Variants in IL3RA observed in about 807,000 individuals in gnomAD.
The protein encoded by IL3RA is interleukin 3 receptor subunit alpha.
A neutral mutation model predicts 52.3 loss-of-function variants in IL3RA; 73 were observed. The ratio of observed to expected loss-of-function variants is 1.40; its 90% CI spans 1.16 to 1.70. The LOEUF is 1.70. Among genes scored for constraint, IL3RA ranks in the 40% most tolerant of loss-of-function variants. The probability of loss-of-function intolerance (pLI) is 0.00; values close to 1 mark genes in which losing one functional copy is unlikely to be tolerated. For missense variants in IL3RA, 664 were observed against 504.4 expected (o/e 1.32, Z -3.03); for synonymous variants, 260 against 194.0 (o/e 1.34, Z -2.83).
At position 1,382,413 on chromosome X, in the gene IL3RA, C is replaced by A; in HGVS notation, c.1085C>A (p.Ala362Asp). The A allele has an allele frequency of 6.2e-7, 1 of 1,613,782 alleles. No homozygotes were observed. Residue 362 changes from alanine (A) to aspartate (D), a missense_variant, in exon 12 of 12, where the codon GCC becomes GAC. Ala to Asp is a moderately radical substitution (Grantham distance 126, BLOSUM62 -2). Coordinates refer to ENST00000331035, the MANE Select transcript of IL3RA (RefSeq NM_002183.4). ...CAGGTGGTCTGGGAGGCGGGCAAAGCCGGCCTGGAGGAGTGTCTGGTGACT... is the reference window on the plus strand; with the variant it reads ...CAGGTGGTCTGGGAGGCGGGCAAAGACGGCCTGGAGGAGTGTCTGGTGACT... The part of the protein sequence containing the change: ...DKLVVWEAGK[A>D]GLEECLVTEV...
intron 6 of IL3RA, among the ~76,000 whole-genome samples, 159 bp downstream of exon 6, chrX:1,352,665 G>A (rs1213758301): frequency 8.5e-5 from 13 of 152,184 alleles, no homozygotes; most frequent in Admixed American, 1.3e-4. Context: ...GGCTGGCTGG[G>A]CTCCTCGGGA....
chrX:1,381,876 C>T (rs1404605337), intron 11 of IL3RA, among the ~76,000 whole-genome samples: 1 of 151,422 alleles, frequency 6.6e-6, no homozygotes, highest in East Asian at 2.0e-4. Context: ...TACCTGTGTC[C>T]CTAAGAGAAA....
chrX:1,381,966 G>C (rs1259153211), intron 11 of IL3RA, among the ~76,000 whole-genome samples: 2 of 150,302 alleles, frequency 1.3e-5, no homozygotes, highest in African/African-American at 4.9e-5. Flanking sequence ...TTGTTTTTGA[G>C]ACGCAGTTTT....
chrX:1,380,953 C>A lies in IL3RA; in HGVS notation c.981-70C>A, dbSNP rs1249280352. The A allele has an allele frequency of 4.6e-6, 6 of 1,296,060 alleles. No individual in the cohort carries two copies. In the African/African-American group the frequency reaches 8.7e-5, roughly 19 times the overall value. The allele number at this position is 1,296,060 out of a possible 1,614,324, so 80.3% of individuals were successfully genotyped here. On this transcript the variant is annotated intron_variant, in intron 10 of 11. Transcript: ENST00000331035. ...CTGTCCTGGCACTGTCTGTCCTGGA[C>A]ACGCTGTGTCCCAGATGATGAGCTG...
intron 4 of IL3RA, among the ~76,000 whole-genome samples, chrX:1,349,514 G>A (rs1446994750): frequency 1.3e-5 from 2 of 151,918 alleles, no homozygotes; most frequent in African/African-American, 2.4e-5. Flanking sequence ...GTGTCGCTAT[G>A]TTACCTGAGC....
At chrX:1,339,219 C>T (rs1347442415) in intron 1 of IL3RA, among the ~76,000 whole-genome samples, 2 of 152,144 alleles carry the variant, frequency 1.3e-5, no homozygotes, top group African/African-American at 2.4e-5. Flanking sequence ...GACCACAGCC[C>T]CTACAGGCAA....
At chrX:1,348,873 C>T (rs1424101987) in intron 4 of IL3RA, among the ~76,000 whole-genome samples, 1 of 60,148 alleles carries the variant, frequency 1.7e-5, no homozygotes, top group Admixed American at 1.3e-4. Context: ...CTCTCTCCTT[C>T]CTTCCCTTTC....
intron 6 of IL3RA, among the ~76,000 whole-genome samples, chrX:1,355,859 C>A (rs1448055012): frequency 6.6e-6 from 1 of 151,794 alleles, no homozygotes; most frequent in Non-Finnish European, 1.5e-5. Flanking sequence ...GGCTGCCCAG[C>A]GGGGCTGAGC....
rs762363493 is a variant in IL3RA at position 1,360,364 on chromosome X, C to G, written c.759+1477C>G. Among the ~76,000 whole-genome samples, 22 of 150,128 alleles carry G rather than the reference C, an allele frequency of 1.5e-4. No homozygotes were observed. In the East Asian group the frequency reaches 3.5e-3, roughly 24 times the overall value. ...TCTCCCTCCCTCTCTTTATCTCTCT[C>G]TCTCTCTCTGCCTCTATCTCCCACT... On this transcript the variant is annotated intron_variant, in intron 8 of 11. Transcript: ENST00000331035.
At chrX:1,362,696 G>A (rs1280692956) in intron 8 of IL3RA, among the ~76,000 whole-genome samples, 1 of 152,088 alleles carries the variant, frequency 6.6e-6, no homozygotes, top group Non-Finnish European at 1.5e-5. Flanking sequence ...TGGGGTCCCT[G>A]GGCTTGTGGC....
chrX:1,377,734 C>T lies in IL3RA; in HGVS notation c.875-925C>T, dbSNP rs749288280. On this transcript the variant is annotated intron_variant, in intron 9 of 11. Transcript: ENST00000331035. Reference sequence around the variant, plus strand: ...AGGCTGGAGGGCAGTGGCGCGATCACGGCTCACTGTAGCCTCGACCTCCTG... The same window carrying T: ...AGGCTGGAGGGCAGTGGCGCGATCATGGCTCACTGTAGCCTCGACCTCCTG... Among the ~76,000 whole-genome samples the T allele has an allele frequency of 4.0e-5, 6 of 148,838 alleles. No homozygotes were observed. In the East Asian group the frequency reaches 9.9e-4, roughly 25 times the overall value.
At chrX:1,356,398 T>C in intron 7 of IL3RA, 62 bp downstream of exon 7, 1 of 1,009,642 alleles carries the variant, frequency 9.9e-7, no homozygotes, top group East Asian at 2.6e-5. Flanking sequence ...TTTTGGTAAG[T>C]CGCACTCTGG....
intron 6 of IL3RA, among the ~76,000 whole-genome samples, chrX:1,353,976 A>ATCATGGGTCATGGGACCCCCCC (rs2086397342): frequency 2.6e-5 from 1 of 37,772 alleles, no homozygotes; most frequent in Non-Finnish European, 5.4e-5. Context: ...TGGGACCCCC[A>ATCATGGGTCATGGGACCCCCCC]CCCCCATCAT....
At position 1,356,146 on chromosome X, in the gene IL3RA, G is replaced by GA. The variant is rs770969419; in HGVS notation, c.617-66dup. ...GGAGAAGTAATTTGAAGTATCTCCAGAAAAAAAAAGAGAAAAAGAAAAAGA... is the reference window on the plus strand; with the variant it reads ...GGAGAAGTAATTTGAAGTATCTCCAGAAAAAAAAAAGAGAAAAAGAAAAAGA... On this transcript the variant is annotated intron_variant, in intron 6 of 11. Transcript: ENST00000331035. 9.7e-3 allele frequency: 8,641 copies of GA among 887,892 alleles called. 4 individuals carry two copies. The highest frequency in any genetic ancestry group is 0.012 in the Non-Finnish European group (6,661 of 571,086). 55.0% of individuals were successfully genotyped at this position (887,892 alleles called of 1,614,324 possible).
intron 7 of IL3RA, among the ~76,000 whole-genome samples, chrX:1,356,793 G>C (rs780243899): frequency 1.3e-5 from 2 of 151,814 alleles, no homozygotes; most frequent in Admixed American, 6.6e-5. Flanking sequence ...AAAAGTTTGA[G>C]ACTGTATGTG....
chrX:1,344,826 G>T (rs1603443207), intron 2 of IL3RA, among the ~76,000 whole-genome samples: 1 of 151,158 alleles, frequency 6.6e-6, no homozygotes, highest in South Asian at 2.1e-4. Flanking sequence ...AAAGGTATTG[G>T]CTAACTCCAC....
intron 8 of IL3RA, among the ~76,000 whole-genome samples, chrX:1,361,820 T>C (rs1292249948): frequency 2.0e-5 from 3 of 150,428 alleles, no homozygotes; most frequent in Non-Finnish European, 4.4e-5. Context: ...CCATTAGATC[T>C]CGTGAGACTT....
rs750979869 is a variant in IL3RA, at chrX:1,349,316, G to C, written c.298+771G>C. 1.1e-3 allele frequency among the ~76,000 whole-genome samples: 162 copies of C among 151,602 alleles called. 1 individual carries two copies. Among genetic ancestry groups the C allele is most frequent in the African/African-American group, 3.9e-3 (161 of 41,302 alleles). The stretch of plus-strand genomic sequence containing the variant: ...CCTGCCTCAGCCTCCCGAGTAGCTG[G>C]GATTATAGGCGCCCACCGCCACGCC... On this transcript the variant is annotated intron_variant, in intron 4 of 11. Transcript: ENST00000331035.
Position 1,378,714 on chromosome X carries a change from C to T in IL3RA, c.930C>T (p.Ile310=), listed in dbSNP as rs761695680. Reference sequence around the variant, plus strand: ...GTGCCTGGCGGACGTCGCTGCTGATCGCGCTGGGGACGCTGCTGGCCCTGG... The same window carrying T: ...GTGCCTGGCGGACGTCGCTGCTGATTGCGCTGGGGACGCTGCTGGCCCTGG... ...NTRAWRTSLL[I]ALGTLLALVC... Residue 310 remains isoleucine, a synonymous_variant, in exon 10 of 12, where the codon ATC becomes ATT. Coordinates refer to ENST00000331035, the MANE Select transcript of IL3RA (RefSeq NM_002183.4). 68 of 1,612,560 alleles carry T rather than the reference C, an allele frequency of 4.2e-5. No homozygotes were observed. The Middle Eastern group carries it at 5.7e-4, about 13-fold the overall frequency.
Sources: gnomAD v4.1 joint callset for allele counts (sites outside exome capture counted in the v4.1 genomes callset) on GRCh38, gnomAD v4.1.1 for gene constraint, MANE v1.5 for transcripts, NCBI Gene and HGNC (gene_info 2026-07-23, HGNC 2026-07-21) for gene names.